SLC25A48: variants seen among roughly 807,000 people sequenced by gnomAD.
SLC25A48 encodes CTC-321K16.1.
Under a neutral mutation model 32.2 loss-of-function variants are expected in SLC25A48, and 29 were observed. The observed-to-expected ratio is 0.90, with a 90% CI of 0.67 to 1.23. The LOEUF is 1.23. Among genes scored for constraint, SLC25A48 ranks in the 50% most tolerant of loss-of-function variants. The probability of loss-of-function intolerance (pLI) is 0.00; values close to 1 mark genes in which losing one functional copy is unlikely to be tolerated. For missense variants in SLC25A48, 399 were observed against 422.7 expected (o/e 0.94, Z 0.49); for synonymous variants, 164 against 172.3 (o/e 0.95, Z 0.38).
chr5:135,677,339 A>G (rs544156147), intron 3 of SLC25A48, among the ~76,000 whole-genome samples: 2 of 151,580 alleles, frequency 1.3e-5, no homozygotes, highest in Admixed American at 1.3e-4. Context: ...GGTAAAGTCT[A>G]TGTTTTTTGT....
chr5:135,728,458 G>T (rs1755144390), intron 3 of SLC25A48, among the ~76,000 whole-genome samples: 1 of 152,128 alleles, frequency 6.6e-6, no homozygotes, highest in Non-Finnish European at 1.5e-5. Context: ...GGTGATAGTT[G>T]TAATTTTAAA....
chr5:135,639,899 A>G (rs1752793228), intron 3 of SLC25A48, among the ~76,000 whole-genome samples: 1 of 152,226 alleles, frequency 6.6e-6, no homozygotes, highest in Non-Finnish European at 1.5e-5. Flanking sequence ...GAATACAACA[A>G]AAATTACTAG....
At chr5:135,614,186 T>C (rs1752136144) in intron 1 of SLC25A48, among the ~76,000 whole-genome samples, 1 of 152,238 alleles carries the variant, frequency 6.6e-6, no homozygotes. Flanking sequence ...GTAGGTATTT[T>C]ATTTTTTGTA....
intron 3 of SLC25A48, among the ~76,000 whole-genome samples, chr5:135,683,263 A>T (rs987918218): frequency 2.0e-5 from 3 of 152,206 alleles, no homozygotes; most frequent in Non-Finnish European, 4.4e-5. Flanking sequence ...GAATGAGGAG[A>T]ACTCTAATAT....
rs1160907650 is a variant in SLC25A48, at chr5:135,783,921, G to A, written c.-520-28602G>A. On this transcript the variant is annotated intron_variant, in intron 3 of 10. Coordinates refer to the SLC25A48 transcript ENST00000646290. ...AATGATATTATTCCCAATATTGCAAGGAGTGTACACTCCCCATGTGATATT... is the reference window on the plus strand; with the variant it reads ...AATGATATTATTCCCAATATTGCAAAGAGTGTACACTCCCCATGTGATATT... Among the ~76,000 whole-genome samples, 2 of 117,962 alleles carry A rather than the reference G, an allele frequency of 1.7e-5. 1 individual carries two copies. The highest frequency in any genetic ancestry group is 4.3e-4 in the East Asian group (2 of 4,694). The allele number at this position is 117,962 out of a possible 152,430, so 77.4% of individuals were successfully genotyped here. A position where few individuals can be genotyped will look rare whatever the true frequency, so the allele number is the denominator to read the frequency against.
chr5:135,668,049 G>T (rs1202862828), intron 3 of SLC25A48, among the ~76,000 whole-genome samples: 1 of 152,200 alleles, frequency 6.6e-6, no homozygotes, highest in Non-Finnish European at 1.5e-5. Context: ...AGCAGCCAGT[G>T]CAAGAGTCCA....
chr5:135,884,576 A>G (rs1183281751), intron 7 of SLC25A48, among the ~76,000 whole-genome samples: 1 of 151,852 alleles, frequency 6.6e-6, no homozygotes, highest in Non-Finnish European at 1.5e-5. Context: ...GAGAGGCTCT[A>G]TTGATGGGAG....
chr5:135,757,823 CTA>C (rs1755956223), intron 3 of SLC25A48, among the ~76,000 whole-genome samples: 1 of 149,934 alleles, frequency 6.7e-6, no homozygotes, highest in African/African-American at 2.4e-5. Context: ...AATAAAATAT[CTA>C]TATGAAATTT....
chr5:135,709,862 C>T (rs757718072), intron 3 of SLC25A48, among the ~76,000 whole-genome samples: 4 of 152,286 alleles, frequency 2.6e-5, no homozygotes, highest in Non-Finnish European at 4.4e-5. Context: ...TATTTTCCAT[C>T]ATTCCTCAAC....
At chr5:135,834,063 G>A (rs1758313301), upstream of SLC25A48, among the ~76,000 whole-genome samples, 1 of 152,210 alleles carries the variant, frequency 6.6e-6, no homozygotes, top group Non-Finnish European at 1.5e-5. Context: ...CACTCTCATT[G>A]TAATCAAAAG....
At chr5:135,668,329 C>T (rs1753570986) in intron 3 of SLC25A48, among the ~76,000 whole-genome samples, 1 of 152,086 alleles carries the variant, frequency 6.6e-6, no homozygotes, top group African/African-American at 2.4e-5. Flanking sequence ...TTAAATGTAA[C>T]CTTATATCCA....
rs534985852 is a variant in SLC25A48 at position 135,876,623 on chromosome 5, C to T, written c.813+2469C>T. ...ATGCCCTGCCTGTGGTCCCTGTCCT[C>T]GCTCAAAGGCAATTACCGTAAAGTT... On this transcript the variant is annotated intron_variant, in intron 6 of 7. Transcript: ENST00000681962. Among the ~76,000 whole-genome samples, 9 of 152,134 alleles carry T rather than the reference C, an allele frequency of 5.9e-5. No homozygotes were observed. In the Middle Eastern group the frequency reaches 0.014, roughly 230 times the overall value.
chr5:135,596,785 G>C (rs1169735210), intron 1 of SLC25A48, among the ~76,000 whole-genome samples: 1 of 152,170 alleles, frequency 6.6e-6, no homozygotes, highest in Non-Finnish European at 1.5e-5. Flanking sequence ...CTTCCTGAGT[G>C]CTCCCTCCAT....
chr5:135,642,067 C>T (rs1453213700), intron 3 of SLC25A48, among the ~76,000 whole-genome samples: 1 of 152,206 alleles, frequency 6.6e-6, no homozygotes, highest in Non-Finnish European at 1.5e-5. Flanking sequence ...AGGCCTTTCT[C>T]CAATGCTATG....
At chr5:135,759,073 T>C (rs1462515897) in intron 3 of SLC25A48, among the ~76,000 whole-genome samples, 1 of 151,988 alleles carries the variant, frequency 6.6e-6, no homozygotes, top group Non-Finnish European at 1.5e-5. Context: ...ATGCTATGAA[T>C]AATATCTAGT....
chr5:135,732,844 A>C (rs1190997666), intron 3 of SLC25A48, among the ~76,000 whole-genome samples: 1 of 152,164 alleles, frequency 6.6e-6, no homozygotes. Flanking sequence ...GAGGGATAGA[A>C]GTTGGAAAGC....
intron 3 of SLC25A48, among the ~76,000 whole-genome samples, chr5:135,801,752 C>T (rs1346088761): frequency 1.3e-5 from 2 of 151,440 alleles, no homozygotes; most frequent in East Asian, 1.9e-4. Flanking sequence ...GTGTGCACCC[C>T]GCAGTGATAT....
At chr5:135,625,223 G>A (rs1326832207) in intron 1 of SLC25A48, among the ~76,000 whole-genome samples, 1 of 152,176 alleles carries the variant, frequency 6.6e-6, no homozygotes, top group Non-Finnish European at 1.5e-5. Context: ...GGTTTTCTGG[G>A]TGGGGAAGAG....
intron 3 of SLC25A48, among the ~76,000 whole-genome samples, chr5:135,739,252 G>A (rs963471474): frequency 6.6e-6 from 1 of 152,042 alleles, no homozygotes; most frequent in African/African-American, 2.4e-5. Context: ...TGCATAGCTG[G>A]GACTACAAGT....
Sources: gnomAD v4.1 joint callset for allele counts (sites outside exome capture counted in the v4.1 genomes callset) on GRCh38, gnomAD v4.1.1 for gene constraint, MANE v1.5 for transcripts, NCBI Gene and HGNC (gene_info 2026-07-23, HGNC 2026-07-21) for gene names.